DGKK: variants seen among roughly 807,000 people sequenced by gnomAD.
The protein encoded by DGKK is diacylglycerol kinase kappa, also known as 142 kDa diacylglycerol kinase.
In DGKK, 35 loss-of-function variants were observed where a neutral mutation model predicts 92.2. The ratio of observed to expected loss-of-function variants is 0.38; its 90% CI spans 0.29 to 0.50. The LOEUF (loss-of-function observed/expected upper bound fraction) is 0.50, where lower values mean the gene tolerates loss of function less well. Ranked by LOEUF, DGKK falls within the 20% of genes least tolerant of loss-of-function variation. The pLI, the probability that DGKK is intolerant of heterozygous loss-of-function variation, is 0.92. For missense variants in DGKK, 910 were observed against 992.2 expected (o/e 0.92, Z 1.11); for synonymous variants, 368 against 360.6 (o/e 1.02, Z -0.23).
chrX:50,430,111 T>A (rs1427522308), intron 1 of DGKK, among the ~76,000 whole-genome samples: 1 of 112,448 alleles, frequency 8.9e-6, no homozygotes, highest in East Asian at 2.8e-4. Context: ...TTAAAACATT[T>A]GTCAGAAGAA....
intron 1 of DGKK, among the ~76,000 whole-genome samples, chrX:50,439,521 A>C (rs1461740065): frequency 9.0e-6 from 1 of 111,348 alleles, no homozygotes; most frequent in Non-Finnish European, 1.9e-5. Context: ...TATATTTTTG[A>C]CCCCTAAATT....
rs782695286 is a variant in DGKK, at chrX:50,392,431, G to A, written c.1614C>T (p.Asn538=). 2.6e-5 allele frequency: 32 copies of A among 1,210,630 alleles called. No homozygotes were observed. Among genetic ancestry groups the A allele is most frequent in the Non-Finnish European group, 3.5e-5 (31 of 894,139 alleles). Residue 538 remains asparagine (N), a synonymous_variant, in exon 10 of 28, where the codon AAC becomes AAT. Transcript: ENST00000611977. The part of the protein sequence containing the change: ...GPEAGLSMFK[N]FARFRILVCG... Reference sequence around the variant, plus strand: ...AAACCAGAATGCGAAAGCGAGCAAAGTTCTTGAACATAGACAGCCTGGAAG... The same window carrying A: ...AAACCAGAATGCGAAAGCGAGCAAAATTCTTGAACATAGACAGCCTGGAAG...
At chrX:50,370,358 G>A in intron 27 of DGKK, 68 bp downstream of exon 27, 1 of 1,126,012 alleles carries the variant, frequency 8.9e-7, no homozygotes, top group Non-Finnish European at 1.2e-6. Context: ...GGGGCTTCAG[G>A]TCCCTGGGAG....
intron 11 of DGKK, 64 bp downstream of exon 11, chrX:50,391,373 T>C (rs1924689182): frequency 1.7e-6 from 2 of 1,166,083 alleles, no homozygotes; most frequent in South Asian, 1.9e-5. Flanking sequence ...GTATTCCTGA[T>C]TGAGATGATG....
chrX:50,405,644 G>A (rs1569544598), intron 4 of DGKK, among the ~76,000 whole-genome samples: 1 of 109,870 alleles, frequency 9.1e-6, no homozygotes, highest in Non-Finnish European at 1.9e-5. Context: ...CCTGCACATT[G>A]CCCTCTCTGA....
intron 20 of DGKK, among the ~76,000 whole-genome samples, chrX:50,379,027 A>T (rs1924343515): frequency 1.8e-5 from 2 of 112,264 alleles, no homozygotes; most frequent in African/African-American, 6.5e-5. Flanking sequence ...AGAAAAGAGC[A>T]TGGCCTTGGC....
chrX:50,430,468 T>C (rs1287876206), intron 1 of DGKK, among the ~76,000 whole-genome samples: 2 of 112,054 alleles, frequency 1.8e-5, no homozygotes, highest in African/African-American at 6.5e-5. Context: ...CCCTCAAGGC[T>C]GATTGTTTTG....
intron 20 of DGKK, 33 bp downstream of exon 20, chrX:50,379,594 T>C: frequency 8.8e-7 from 1 of 1,133,042 alleles, no homozygotes; most frequent in South Asian, 1.8e-5. Flanking sequence ...GGATCATGCC[T>C]TTCTTCCTCC....
rs1557223662 is a variant in DGKK, at chrX:50,375,012, C to T, written c.3460G>A (p.Gly1154Ser). 15 of 1,207,453 alleles carry T rather than the reference C, an allele frequency of 1.2e-5. No individual in the cohort carries two copies. Among genetic ancestry groups the T allele is most frequent in the Non-Finnish European group, 1.6e-5 (14 of 893,712 alleles). The change falls in exon 25 of 28, where the codon GGT becomes AGT. Residue 1154 changes from glycine to serine, a missense_variant. Gly to Ser is a moderately conservative substitution (Grantham distance 56). Transcript: ENST00000611977. ...AAAGCTGTGGTGTCATCGTAGAGAC[C>T]TTTAAGACTAAATGTAACATCTACG... is the stretch of plus-strand genomic sequence containing the variant. ...DAVDVTFSLK[G>S]LYDDTTAFLD...
chrX:50,443,285 A>C (rs781847019), intron 1 of DGKK, among the ~76,000 whole-genome samples: 2 of 110,965 alleles, frequency 1.8e-5, no homozygotes, highest in African/African-American at 6.5e-5. Context: ...AGTGGCATAA[A>C]TCCTCCCATT....
chrX:50,409,367 CTGT>C (rs1925251781), intron 4 of DGKK, among the ~76,000 whole-genome samples: 1 of 110,565 alleles, frequency 9.0e-6, no homozygotes. Flanking sequence ...GATCATGGCC[CTGT>C]TGACATGTTG....
chrX:50,382,528 G>A lies in DGKK; in HGVS notation c.2625C>T (p.Asn875=). 1 of 1,209,917 alleles carries A rather than the reference G, an allele frequency of 8.3e-7. No individual in the cohort carries two copies. The highest frequency in any genetic ancestry group is 1.8e-5 in the South Asian group (1 of 56,728). ...GCCCTGGGTGTTCATCTCTTCTGGTGTTGAAGTCCAGAGAAATTTTAGCAT... is the reference window on the plus strand; with the variant it reads ...GCCCTGGGTGTTCATCTCTTCTGGTATTGAAGTCCAGAGAAATTTTAGCAT... ...GLDAKISLDF[N]TRRDEHPGQY... The change falls in exon 18 of 28, where the codon AAC becomes AAT. Residue 875 remains asparagine, a synonymous_variant. Transcript: ENST00000611977.
chrX:50,397,695 T>C (rs1367886497), intron 8 of DGKK, among the ~76,000 whole-genome samples: 4 of 112,291 alleles, frequency 3.6e-5, no homozygotes, highest in African/African-American at 1.3e-4. Flanking sequence ...CCAGTGATGC[T>C]ATCTTAGTCG....
At chrX:50,395,023 G>GT (rs782280685) in intron 8 of DGKK, among the ~76,000 whole-genome samples, 1 of 110,258 alleles carries the variant, frequency 9.1e-6, no homozygotes, top group East Asian at 2.9e-4. Flanking sequence ...TGTGGAGTGA[G>GT]TGGGGGGGGA....
rs782444262 is a variant in DGKK at position 50,403,613 on chromosome X, G to A, written c.1079-16C>T. 24 of 1,146,322 alleles carry A rather than the reference G, an allele frequency of 2.1e-5. 1 individual carries two copies. In the Admixed American group the frequency reaches 4.8e-4, roughly 23 times the overall value. The allele number at this position is 1,146,322 out of a possible 1,213,427, so 94.5% of individuals were successfully genotyped here. A position where few individuals can be genotyped will look rare whatever the true frequency, so the allele number is the denominator to read the frequency against. ...ACTTTGCACACTGTGAGAAGAGGAAGAGAAAAGATGGGTGTGAATCTGGTG... is the reference window on the plus strand; with the variant it reads ...ACTTTGCACACTGTGAGAAGAGGAAAAGAAAAGATGGGTGTGAATCTGGTG... On this transcript the variant is annotated splice_polypyrimidine_tract_variant and intron_variant, in intron 5 of 27. Transcript: ENST00000611977.
chrX:50,419,843 A>G (rs1925529458), intron 4 of DGKK, among the ~76,000 whole-genome samples: 1 of 111,784 alleles, frequency 8.9e-6, no homozygotes, highest in Non-Finnish European at 1.9e-5. Context: ...GAACCCTGCT[A>G]AGCTTTGGAG....
At chrX:50,465,110 AT>A (rs1411284002) in intron 1 of DGKK, among the ~76,000 whole-genome samples, 2 of 112,011 alleles carry the variant, frequency 1.8e-5, no homozygotes, top group Non-Finnish European at 3.8e-5. Context: ...ATGAAGTCAA[AT>A]AAAGTTTACA....
chrX:50,455,698 C>T (rs1926592044), intron 1 of DGKK, among the ~76,000 whole-genome samples: 3 of 111,432 alleles, frequency 2.7e-5, no homozygotes, highest in Admixed American at 1.9e-4. Flanking sequence ...GAGAGAATAG[C>T]CAAAGGAAAA....
chrX:50,424,178 G>T, intron 2 of DGKK, 70 bp downstream of exon 2: 1 of 976,794 alleles, frequency 1.0e-6, no homozygotes, highest in Non-Finnish European at 1.4e-6. Flanking sequence ...TTACTTATTA[G>T]TCCATCTTCC....
Sources: gnomAD v4.1 joint callset for allele counts (sites outside exome capture counted in the v4.1 genomes callset) on GRCh38, gnomAD v4.1.1 for gene constraint, MANE v1.5 for transcripts, NCBI Gene and HGNC (gene_info 2026-07-23, HGNC 2026-07-21) for gene names.